DSP: variants seen among roughly 807,000 people sequenced by gnomAD.
DSP encodes desmoplakin.
In DSP, 114 loss-of-function variants were observed where a neutral mutation model predicts 290.6. That is an observed-to-expected ratio of 0.39 (90% confidence interval 0.34 to 0.46). The LOEUF is 0.46. DSP is among the 20% of genes least tolerant of loss of function. The probability of loss-of-function intolerance (pLI) is 0.99; values close to 1 mark genes in which losing one functional copy is unlikely to be tolerated. For synonymous variants in DSP, 1,311 were observed against 1,316.4 expected (o/e 1.00, Z 0.09); for missense variants, 3,230 against 3,495.8 (o/e 0.92, Z 1.92).
rs1329910838 is a variant in DSP at position 7,569,191 on chromosome 6, C to T, written c.1425C>T (p.Ile475=). The T allele has an allele frequency of 5.0e-6, 8 of 1,614,156 alleles. No homozygotes were observed. Among genetic ancestry groups the T allele is most frequent in the Non-Finnish European group, 5.9e-6 (7 of 1,180,022 alleles). The change falls in exon 12 of 24, where the codon ATC becomes ATT. Residue 475 remains isoleucine, a synonymous_variant. Coordinates refer to ENST00000379802, the MANE Select transcript of DSP (RefSeq NM_004415.4). ...ALCDYKQDQK[I]VHKGDECILK... is the part of the protein sequence containing the mutation. Reference sequence around the variant, plus strand: ...TGGGGTTGCTTGCCTTACAGAAAATCGTGCATAAGGGGGATGAGTGTATCC... The same window carrying T: ...TGGGGTTGCTTGCCTTACAGAAAATTGTGCATAAGGGGGATGAGTGTATCC...
intron 22 of DSP, among the ~76,000 whole-genome samples, 192 bp downstream of exon 22, chr6:7,578,754 T>G (rs1759326303): frequency 2.0e-5 from 3 of 152,230 alleles, no homozygotes; most frequent in Admixed American, 6.5e-5. Context: ...TTAAATGAAC[T>G]TAAGTAATAG....
chr6:7,562,920 C>T, intron 5 of DSP, 140 bp downstream of exon 5: 1 of 1,276,468 alleles, frequency 7.8e-7, no homozygotes, highest in Non-Finnish European at 1.1e-6. Context: ...AATCCCACTT[C>T]TTAAATGGGG....
rs1581808686 is a variant in DSP at position 7,574,119 on chromosome 6, G to T, written c.2164G>T (p.Val722Phe). Reference protein sequence around the residue: ...VQNDSQAIAEVLNQLKDMLAN... With the variant: ...VQNDSQAIAEFLNQLKDMLAN... ...GAATGATTCACAAGCAATTGCTGAG[G>T]TTCTCAACCAGCTTAAAGATATGCT... The change falls in exon 16 of 24, where the codon GTT becomes TTT. Residue 722 changes from valine to phenylalanine, a missense_variant. Transcript: ENST00000379802. 1.2e-6 allele frequency: 2 copies of T among 1,614,094 alleles called. No individual in the cohort carries two copies. The highest frequency in any genetic ancestry group is 1.7e-6 in the Non-Finnish European group (2 of 1,179,982).
chr6:7,544,114 G>T (rs914836503), intron 1 of DSP, among the ~76,000 whole-genome samples: 1 of 152,170 alleles, frequency 6.6e-6, no homozygotes, highest in Non-Finnish European at 1.5e-5. Context: ...CCGGCAGCAG[G>T]GCGTCAAGCT....
intron 2 of DSP, among the ~76,000 whole-genome samples, chr6:7,557,302 A>G (rs550815593): frequency 6.6e-6 from 1 of 152,372 alleles, no homozygotes. Context: ...CAGTAGTGAC[A>G]TCTTATATGA....
chr6:7,550,824 A>T (rs1758319853), intron 1 of DSP, among the ~76,000 whole-genome samples: 1 of 151,420 alleles, frequency 6.6e-6, no homozygotes, highest in Admixed American at 6.6e-5. Flanking sequence ...AGCACATGAC[A>T]TCTGCCATCT....
rs34884895 is a variant in DSP, at chr6:7,585,562, C to A, written c.8300C>A (p.Thr2767Asn). ...DGRAAQRLQD[T>N]SSYAKILTCP... ...CGCGCCGCACAGAGGCTGCAAGACA[C>A]CAGCAGCTATGCCAAAATCCTGACC... The change falls in exon 24 of 24, where the codon ACC becomes AAC. Residue 2767 changes from threonine to asparagine, a missense_variant. By Grantham distance (65) the Thr-to-Asn change is moderately conservative. Coordinates refer to ENST00000379802, the MANE Select transcript of DSP (RefSeq NM_004415.4). 1.2e-3 allele frequency: 1,913 copies of A among 1,614,108 alleles called. 14 individuals are homozygous for A. In the African/African-American group the frequency reaches 0.023, roughly 20 times the overall value.
At position 7,584,338 on chromosome 6, in the gene DSP, T is replaced by G; in HGVS notation, c.7076T>G (p.Ile2359Ser). ...SLFQAMNKEL[I>S]EKGHGIRLLE... ...TTCCAAGCCATGAATAAGGAACTCATCGAAAAGGGCCACGGTATTCGCTTA... is the reference window on the plus strand; with the variant it reads ...TTCCAAGCCATGAATAAGGAACTCAGCGAAAAGGGCCACGGTATTCGCTTA... The change falls in exon 24 of 24, where the codon ATC becomes AGC. Residue 2359 changes from isoleucine (I) to serine (S), a missense_variant. Coordinates refer to ENST00000379802, the MANE Select transcript of DSP (RefSeq NM_004415.4). The surrounding 1 kb of genome is among the most constrained non-coding windows in gnomAD (Gnocchi z 6.4). 1 of 1,614,096 alleles carries G rather than the reference T, an allele frequency of 6.2e-7. No homozygotes were observed. The highest frequency in any genetic ancestry group is 8.5e-7 in the Non-Finnish European group (1 of 1,180,020).
Position 7,583,572 on chromosome 6 carries a change from A to G in DSP, c.6310A>G (p.Thr2104Ala), listed in dbSNP as rs1561702303. 1.2e-6 allele frequency: 2 copies of G among 1,614,128 alleles called. No homozygotes were observed. Among genetic ancestry groups the G allele is most frequent in the Non-Finnish European group, 1.7e-6 (2 of 1,180,020 alleles). The change falls in exon 24 of 24, where the codon ACA (threonine) becomes GCA (alanine). Residue 2104 changes from threonine (T) to alanine (A), a missense_variant. Physicochemically the swap from Thr to Ala is moderately conservative, Grantham distance 58. This residue lies in a region of DSP where 1,714 missense variants were observed against 1,844.5 expected (regional missense o/e 0.93). Transcript: ENST00000379802. The surrounding 1 kb of genome is among the most constrained non-coding windows in gnomAD (Gnocchi z 4.0). ...TGFDDPFSGKTVSVSEAIKKN... is the reference protein window; with the variant it reads ...TGFDDPFSGKAVSVSEAIKKN... ...TTTTGATGATCCATTTTCAGGCAAG[A>G]CAGTATCTGTTTCAGAAGCCATCAA... is the stretch of plus-strand genomic sequence containing the variant.
In DSP at chr6:7,583,806, A is replaced by G; in HGVS notation, c.6544A>G (p.Ser2182Gly). 1 of 1,614,174 alleles carries G rather than the reference A, an allele frequency of 6.2e-7. No homozygotes were observed. Among genetic ancestry groups the G allele is most frequent in the East Asian group, 2.2e-5 (1 of 44,884 alleles). The change falls in exon 24 of 24, where the codon AGT becomes GGT. Residue 2182 changes from serine (S) to glycine (G), a missense_variant. Ser to Gly is a moderately conservative substitution (Grantham distance 56, BLOSUM62 0). This residue lies in a region of DSP where 1,714 missense variants were observed against 1,844.5 expected (regional missense o/e 0.93). Coordinates refer to ENST00000379802, the MANE Select transcript of DSP (RefSeq NM_004415.4). The surrounding 1 kb of genome is among the most constrained non-coding windows in gnomAD (Gnocchi z 4.0). ...GGATCCAGTCACCAAAAAGAAGGTC[A>G]GTTACGTGCAGCTGAAGGAACGGTG... is the stretch of plus-strand genomic sequence containing the variant. ...FVDPVTKKKV[S>G]YVQLKERCRI...
chr6:7,556,613 A>C (rs188124324), intron 2 of DSP, among the ~76,000 whole-genome samples: 1 of 152,344 alleles, frequency 6.6e-6, no homozygotes, highest in East Asian at 1.9e-4. Flanking sequence ...AATAGCCTAC[A>C]TTTGAAACAG....
chr6:7,572,888 A>G (rs1460771266), intron 15 of DSP, among the ~76,000 whole-genome samples: 1 of 152,232 alleles, frequency 6.6e-6, no homozygotes, highest in Non-Finnish European at 1.5e-5. Context: ...TGTCCTAAAT[A>G]CTGTAGGCAA....
chr6:7,563,283 C>T (rs1264334259), intron 5 of DSP, among the ~76,000 whole-genome samples: 2 of 151,706 alleles, frequency 1.3e-5, no homozygotes, highest in African/African-American at 2.4e-5. Flanking sequence ...CTTAGTTTCC[C>T]GCAGGTCTCT....
chr6:7,580,300 C>A lies in DSP; in HGVS notation c.4110C>A (p.Ile1370=). The A allele has an allele frequency of 1.2e-6, 2 of 1,613,780 alleles. No homozygotes were observed. Among genetic ancestry groups the A allele is most frequent in the South Asian group, 2.2e-5 (2 of 91,030 alleles). ...TAAAAAATCAGTTTGAGACCGAGAT[C>A]AACATCACCAAGACCACCATCCACC... ...ISLKNQFETE[I]NITKTTIHQL... The change falls in exon 23 of 24, where the codon ATC becomes ATA. Residue 1370 remains isoleucine (I), a synonymous_variant. Coordinates refer to ENST00000379802, the MANE Select transcript of DSP (RefSeq NM_004415.4). This position sits in a 1 kb window ranked among gnomAD's most constrained non-coding sequence, Gnocchi z 4.2.
chr6:7,548,661 T>C (rs1178169558), intron 1 of DSP, among the ~76,000 whole-genome samples: 1 of 152,212 alleles, frequency 6.6e-6, no homozygotes, highest in Admixed American at 6.5e-5. Flanking sequence ...ACTGTTTCTG[T>C]AGCTGCTGGG....
In DSP at chr6:7,585,793, G is replaced by T. The variant is rs374137476; in HGVS notation, c.8531G>T (p.Gly2844Val). The change falls in exon 24 of 24, where the codon GGG becomes GTG. Residue 2844 changes from glycine (G) to valine (V), a missense_variant. Transcript: ENST00000379802. ...GGATCTCGCTCCGGGTCCCGCAGTG[G>T]GTCCCGGAGAGGAAGCTTTGACGCC... ...RSGSRSGSRS[G>V]SRRGSFDATG... The T allele has an allele frequency of 7.5e-6, 12 of 1,607,344 alleles. No individual in the cohort carries two copies. The highest frequency in any genetic ancestry group is 1.0e-5 in the Non-Finnish European group (12 of 1,178,232).
In DSP at chr6:7,548,160, A is replaced by G. The variant is rs147546811; in HGVS notation, c.170+6075A>G. Reference sequence around the variant, plus strand: ...CGGGCTCCTGTAGTCGCAACTGCTCAGGAGGCTGAGGCAGAAGAATCGCTT... The same window carrying G: ...CGGGCTCCTGTAGTCGCAACTGCTCGGGAGGCTGAGGCAGAAGAATCGCTT... On this transcript the variant is annotated intron_variant, in intron 1 of 23. Transcript: ENST00000379802. Among the ~76,000 whole-genome samples, 623 of 152,102 alleles carry G rather than the reference A, an allele frequency of 4.1e-3. 5 individuals are homozygous for G. The highest frequency in any genetic ancestry group is 0.014 in the African/African-American group (597 of 41,506).
In DSP at chr6:7,582,719, C is replaced by CA. The variant is rs1554108609; in HGVS notation, c.5460dup (p.Val1821SerfsTer15). ...AAAGAGAGAGCCTTCTGGTGAAAATCAAAGTCCTGGAGCAAGACAAGGCAA... is the reference window on the plus strand; with the variant it reads ...AAAGAGAGAGCCTTCTGGTGAAAATCAAAAGTCCTGGAGCAAGACAAGGCAA... On this transcript the variant is annotated frameshift_variant, in exon 24 of 24. Transcript: ENST00000379802. LOFTEE classifies it high-confidence loss of function. The surrounding 1 kb of genome is among the most constrained non-coding windows in gnomAD (Gnocchi z 4.2). 1 of 1,613,412 alleles carries CA rather than the reference C, an allele frequency of 6.2e-7. No homozygotes were observed. Among genetic ancestry groups the CA allele is most frequent in the Non-Finnish European group, 8.5e-7 (1 of 1,179,754 alleles).
chr6:7,578,562 G>C lies in DSP; in HGVS notation c.3084G>C (p.Lys1028Asn). 6.2e-7 allele frequency: 1 copy of C among 1,610,778 alleles called. No individual in the cohort carries two copies. The highest frequency in any genetic ancestry group is 8.5e-7 in the Non-Finnish European group (1 of 1,177,248). ...TGCTGAAGAGTTTGGAAGATCTGAA[G>C]GTAATTTATACTGTCTTTTCTTGTA... ...SEMLKSLEDL[K>N]LKNTKIEVLE... The change falls in exon 22 of 24, where the codon AAG (lysine) becomes AAC (asparagine). Residue 1028 changes from lysine to asparagine, a missense_variant and splice_region_variant. Transcript: ENST00000379802.
Sources: gnomAD v4.1 joint callset for allele counts (sites outside exome capture counted in the v4.1 genomes callset) on GRCh38, gnomAD v4.1.1 for gene constraint, gnomAD v4.1.1 regional missense constraint, Gnocchi (gnomAD v3.1) non-coding constraint, MANE v1.5 for transcripts, NCBI Gene and HGNC (gene_info 2026-07-23, HGNC 2026-07-21) for gene names.